Variants in USP45 observed in about 807,000 individuals in gnomAD.
The protein encoded by USP45 is ubiquitin specific peptidase 45, also known as ubiquitin carboxyl-terminal hydrolase 45.
A neutral mutation model predicts 95.8 loss-of-function variants in USP45; 89 were observed. The observed-to-expected ratio is 0.93, with a 90% CI of 0.78 to 1.11. The LOEUF is 1.11. Among genes scored for constraint, USP45 ranks in the 50% least tolerant of loss-of-function variants. The pLI is 0.00. For missense variants in USP45, 898 were observed against 942.5 expected, an observed-to-expected ratio of 0.95 and a Z score of 0.62; for synonymous variants, 281 against 316.2, an observed-to-expected ratio of 0.89 and a Z score of 1.18.
chr6:99,481,120 T>C (rs1792293285), intron 8 of USP45, among the ~76,000 whole-genome samples: 1 of 152,026 alleles, frequency 6.6e-6, no homozygotes, highest in Admixed American at 6.6e-5. Context: ...TACATAAAAA[T>C]CTTCAAATAA....
At chr6:99,456,091 C>T (rs148478104) in intron 13 of USP45, among the ~76,000 whole-genome samples, 1 of 142,588 alleles carries the variant, frequency 7.0e-6, no homozygotes, top group East Asian at 2.2e-4. Context: ...CAAGATCGCG[C>T]CACTGTACTC....
intron 5 of USP45, among the ~76,000 whole-genome samples, chr6:99,498,232 T>C (rs937557952): frequency 7.9e-5 from 12 of 152,274 alleles, no homozygotes; most frequent in African/African-American, 2.9e-4. Context: ...AAAGACTGAA[T>C]AAATAATTTT....
At chr6:99,481,566 T>C (rs1398887483) in intron 8 of USP45, among the ~76,000 whole-genome samples, 1 of 152,210 alleles carries the variant, frequency 6.6e-6, no homozygotes, top group African/African-American at 2.4e-5. Flanking sequence ...GTTTGTTATC[T>C]GGGTATATTG....
rs1788772293 is a variant in USP45 at position 99,469,449 on chromosome 6, TATATATAATTA to T, written c.934-842_934-832del. Among the ~76,000 whole-genome samples, 3 of 144,238 alleles carry T rather than the reference TATATATAATTA, an allele frequency of 2.1e-5. No homozygotes were observed. The South Asian group carries it at 6.4e-4, about 31-fold the overall frequency. 94.6% of individuals were successfully genotyped at this position (144,238 alleles called of 152,430 possible). Reference sequence around the variant, plus strand: ...AGTTTAATTATCTTTCCAAAAAATATATATATAATTAATATATATATAATATATATATATAT... The same window carrying T: ...AGTTTAATTATCTTTCCAAAAAATATATATATATATAATATATATATATAT... On this transcript the variant is annotated intron_variant, in intron 9 of 17. Coordinates refer to ENST00000500704, the MANE Select transcript of USP45 (RefSeq NM_001346022.3).
intron 15 of USP45, among the ~76,000 whole-genome samples, chr6:99,440,722 CTGATT>C (rs1781368719): frequency 6.6e-6 from 1 of 151,998 alleles, no homozygotes; most frequent in African/African-American, 2.4e-5. Context: ...TATTCACCTA[CTGATT>C]TGTTTTTTCA....
At chr6:99,481,065 G>C (rs934236307) in intron 8 of USP45, among the ~76,000 whole-genome samples, 1 of 152,118 alleles carries the variant, frequency 6.6e-6, no homozygotes, top group Non-Finnish European at 1.5e-5. Context: ...CTGCACTTGA[G>C]CCTGGGCACA....
At chr6:99,449,624 T>G (rs780834788) in intron 13 of USP45, among the ~76,000 whole-genome samples, 1 of 143,642 alleles carries the variant, frequency 7.0e-6, no homozygotes, top group Admixed American at 7.3e-5. Context: ...GACAGATCAA[T>G]GAGACAGAAA....
intron 4 of USP45, among the ~76,000 whole-genome samples, chr6:99,506,225 T>C (rs937201950): frequency 6.6e-6 from 1 of 152,180 alleles, no homozygotes; most frequent in Non-Finnish European, 1.5e-5. Context: ...AGATTCAAGT[T>C]GGAAAATTAT....
intron 5 of USP45, among the ~76,000 whole-genome samples, chr6:99,495,467 T>G (rs1415049472): frequency 6.6e-6 from 1 of 152,148 alleles, no homozygotes; most frequent in East Asian, 1.9e-4. Context: ...AGTTTGAGAG[T>G]GTATCTCCCT....
Position 99,483,035 on chromosome 6 carries a change from A to G in USP45, c.715-152T>C, listed in dbSNP as rs904607490. On this transcript the variant is annotated intron_variant, in intron 7 of 17. Transcript: ENST00000500704. ...TTATTTCATAAATAAAATATATAAA[A>G]ATGGAAAACAGAATACCTGCCTTGA... is the stretch of plus-strand genomic sequence containing the variant. 2.4e-5 allele frequency: 15 copies of G among 637,606 alleles called. No homozygotes were observed. In the Admixed American group the frequency reaches 6.4e-4, roughly 27 times the overall value. The allele number at this position is 637,606 out of a possible 1,614,324, so 39.5% of individuals were successfully genotyped here.
chr6:99,503,724 T>G, intron 5 of USP45, 41 bp downstream of exon 5: 1 of 1,313,744 alleles, frequency 7.6e-7, no homozygotes. Flanking sequence ...TATGAAATAC[T>G]GTATTTTAAC....
Position 99,506,158 on chromosome 6 carries a change from T to A in USP45, c.377+1270A>T, listed in dbSNP as rs182462614. Among the ~76,000 whole-genome samples the A allele has an allele frequency of 2.0e-3, 297 of 152,292 alleles. 1 individual carries two copies. The highest frequency in any genetic ancestry group is 3.1e-3 in the Non-Finnish European group (210 of 68,020). The stretch of plus-strand genomic sequence containing the variant: ...ATTAATTTTAGACAAAATATTTTTA[T>A]GTTAAAGAAAATCTGAGACTCCTGA... On this transcript the variant is annotated intron_variant, in intron 4 of 17. Transcript: ENST00000500704.
chr6:99,461,047 A>C, intron 13 of USP45: 1 of 985,350 alleles, frequency 1.0e-6, no homozygotes, highest in Non-Finnish European at 1.2e-6. Context: ...AGTTCATGTA[A>C]ATTGTACCAG....
intron 1 of USP45, among the ~76,000 whole-genome samples, chr6:99,511,582 T>C (rs935947239): frequency 3.9e-5 from 6 of 151,964 alleles, no homozygotes; most frequent in African/African-American, 1.5e-4. Flanking sequence ...CCCAAGTAGC[T>C]AGGACTACAG....
intron 8 of USP45, 67 bp from the exon 9 acceptor site, chr6:99,476,297 C>A: frequency 6.8e-7 from 1 of 1,461,182 alleles, no homozygotes; most frequent in Non-Finnish European, 9.5e-7. Flanking sequence ...CAACACTCTT[C>A]TCTAAATGCA....
At chr6:99,504,324 G>C (rs1384729065) in intron 4 of USP45, among the ~76,000 whole-genome samples, 1 of 152,102 alleles carries the variant, frequency 6.6e-6, no homozygotes, top group Non-Finnish European at 1.5e-5. Flanking sequence ...ATTTTTATTA[G>C]AGATGGGGTT....
At chr6:99,466,826 G>A (rs1788101758) in intron 10 of USP45, 63 bp from the exon 11 acceptor site, 2 of 1,222,982 alleles carry the variant, frequency 1.6e-6, no homozygotes, top group Admixed American at 1.8e-5. Context: ...AGTATAATAG[G>A]CTATCTTCTG....
intron 16 of USP45, among the ~76,000 whole-genome samples, chr6:99,438,201 G>C (rs1780867510): frequency 6.6e-6 from 1 of 152,158 alleles, no homozygotes; most frequent in African/African-American, 2.4e-5. Context: ...CTTGAAAAAT[G>C]GAGTGTAGAC....
intron 8 of USP45, among the ~76,000 whole-genome samples, chr6:99,476,927 G>A (rs1791018708): frequency 6.6e-6 from 1 of 152,148 alleles, no homozygotes; most frequent in Non-Finnish European, 1.5e-5. Context: ...ACTATTCATG[G>A]AGACACTGAC....
Sources: gnomAD v4.1 joint callset for allele counts (sites outside exome capture counted in the v4.1 genomes callset) on GRCh38, gnomAD v4.1.1 for gene constraint, MANE v1.5 for transcripts, NCBI Gene and HGNC (gene_info 2026-07-23, HGNC 2026-07-21) for gene names.